Variants in SPRED2 observed in about 807,000 individuals in gnomAD.
The protein encoded by SPRED2 is sprouty related EVH1 domain containing 2, also known as sprouty-related, EVH1 domain-containing protein 2.
SPRED2 carries 47 observed loss-of-function variants against 43.0 expected under a neutral mutation model. The ratio of observed to expected loss-of-function variants is 1.09; its 90% confidence interval spans 0.87 to 1.40. SPRED2 has a LOEUF of 1.40. Among genes scored for constraint, SPRED2 ranks in the 40% most tolerant of loss-of-function variants. The probability of loss-of-function intolerance (pLI) is 0.00; values close to 1 mark genes in which losing one functional copy is unlikely to be tolerated. For synonymous variants in SPRED2, 225 were observed against 225.7 expected (o/e 1.00, Z 0.03); for missense variants, 561 against 586.4 (o/e 0.96, Z 0.45).
chr2:65,341,414 C>T (rs200890323), intron 2 of SPRED2, among the ~76,000 whole-genome samples: 1 of 152,090 alleles, frequency 6.6e-6, no homozygotes, highest in East Asian at 1.9e-4. Context: ...TCTGTGTACA[C>T]TAGCAACAAA....
intron 1 of SPRED2, among the ~76,000 whole-genome samples, chr2:65,405,090 T>C (rs928969551): frequency 1.4e-4 from 21 of 152,256 alleles, no homozygotes; most frequent in Admixed American, 1.4e-3. Flanking sequence ...CGTGTGCTTT[T>C]CTTATGTGCC....
chr2:65,357,153 C>T (rs1674676151), intron 1 of SPRED2, among the ~76,000 whole-genome samples: 1 of 152,198 alleles, frequency 6.6e-6, no homozygotes, highest in Non-Finnish European at 1.5e-5. Flanking sequence ...AATGGATGCC[C>T]TCTCAGATGG....
At chr2:65,318,836 G>A (rs925397222) in intron 4 of SPRED2, among the ~76,000 whole-genome samples, 11 of 151,886 alleles carry the variant, frequency 7.2e-5, no homozygotes, top group African/African-American at 2.7e-4. Context: ...TTGTAGAGAC[G>A]GGGGTCTTGC....
At chr2:65,414,091 G>A (rs1269055331) in intron 1 of SPRED2, among the ~76,000 whole-genome samples, 3 of 152,156 alleles carry the variant, frequency 2.0e-5, no homozygotes, top group Non-Finnish European at 2.9e-5. Context: ...ACTACTTAAA[G>A]AGAGAAACAT....
intron 1 of SPRED2, among the ~76,000 whole-genome samples, chr2:65,411,562 G>A (rs949579030): frequency 2.0e-5 from 3 of 152,188 alleles, no homozygotes. Context: ...AAAAGTGAGG[G>A]ATGGAATGTT....
At chr2:65,364,515 G>A (rs1674917673) in intron 1 of SPRED2, among the ~76,000 whole-genome samples, 1 of 152,184 alleles carries the variant, frequency 6.6e-6, no homozygotes, top group African/African-American at 2.4e-5. Flanking sequence ...AACAGCAAAG[G>A]GGCCTCTGAG....
chr2:65,396,179 G>A (rs1022901878), intron 1 of SPRED2, among the ~76,000 whole-genome samples: 7 of 152,136 alleles, frequency 4.6e-5, no homozygotes, highest in Admixed American at 6.5e-5. Flanking sequence ...GCAGTTAAAG[G>A]TTGATTACTC....
rs760474492 is a variant in SPRED2 at position 65,344,769 on chromosome 2, T to C, written c.154A>G (p.Asn52Asp). ...GVCKVMHPEG[N>D]GRSGFLIHGE... is the part of the protein sequence containing the mutation. ...TGGATGAGAAAGCCGCTTCGTCCAT[T>C]GCCTTCGGGGTGCATGACCTTACAG... Residue 52 changes from asparagine to aspartate, a missense_variant, in exon 2 of 6, where the codon AAT (asparagine) becomes GAT (aspartate). Physicochemically the swap from Asn to Asp is conservative, Grantham distance 23. Coordinates refer to ENST00000356388, the MANE Select transcript of SPRED2 (RefSeq NM_181784.3). 2.5e-6 allele frequency: 4 copies of C among 1,614,206 alleles called. No homozygotes were observed. Among genetic ancestry groups the C allele is most frequent in the Non-Finnish European group, 2.5e-6 (3 of 1,180,026 alleles).
Position 65,311,569 on chromosome 2 carries a change from C to T in SPRED2, c.*1932G>A, listed in dbSNP as rs547777598. On this transcript the variant is annotated 3_prime_UTR_variant, in exon 6 of 6. Transcript: ENST00000356388. ...AGACCCCAAGGAAGTGCCTCCGGGT[C>T]GGGGGAAGGTGGTCTCTCGACAGCA... 6.1e-6 allele frequency: 6 copies of T among 985,682 alleles called. No individual in the cohort carries two copies. Among genetic ancestry groups the T allele is most frequent in the Admixed American group, 6.1e-5 (1 of 16,262 alleles). 61.1% of individuals were successfully genotyped at this position (985,682 alleles called of 1,614,324 possible).
At chr2:65,388,679 G>A (rs1326116468) in intron 1 of SPRED2, among the ~76,000 whole-genome samples, 2 of 152,058 alleles carry the variant, frequency 1.3e-5, no homozygotes, top group South Asian at 2.1e-4. Context: ...AGCAGGAGGG[G>A]GGTGGTGAAA....
At chr2:65,419,409 CCA>C (rs1418605924) in intron 1 of SPRED2, among the ~76,000 whole-genome samples, 2 of 152,176 alleles carry the variant, frequency 1.3e-5, no homozygotes, top group African/African-American at 2.4e-5. Flanking sequence ...TAAATCCACT[CCA>C]GAGTACCAAG....
chr2:65,431,412 C>T (rs909282975), intron 1 of SPRED2, among the ~76,000 whole-genome samples: 1 of 151,828 alleles, frequency 6.6e-6, no homozygotes. Flanking sequence ...CGCACCAGAC[C>T]CCCGCGCAGC....
In SPRED2 at chr2:65,313,842, G is replaced by A; in HGVS notation, c.916C>T (p.Arg306Cys). The stretch of plus-strand genomic sequence containing the variant: ...TCCCTGCAGTACACGCACCGCGAGC[G>A]CTCTCCGTCCTCCTTCCGCCGCCGC... ...KSRRRKEDGE[R>C]SRCVYCRDMF... Residue 306 changes from arginine to cysteine, a missense_variant, in exon 6 of 6, where the codon CGC (arginine) becomes TGC (cysteine). This residue lies in a region of SPRED2 where 164 missense variants were observed against 164.1 expected (regional missense o/e 1.00). Coordinates refer to ENST00000356388, the MANE Select transcript of SPRED2 (RefSeq NM_181784.3). 6.2e-7 allele frequency: 1 copy of A among 1,611,964 alleles called. No individual in the cohort carries two copies. Among genetic ancestry groups the A allele is most frequent in the Non-Finnish European group, 8.5e-7 (1 of 1,179,972 alleles).
At chr2:65,357,475 G>C (rs1177997604) in intron 1 of SPRED2, among the ~76,000 whole-genome samples, 1 of 152,214 alleles carries the variant, frequency 6.6e-6, no homozygotes, top group African/African-American at 2.4e-5. Flanking sequence ...ACTTGTTCAA[G>C]GTCACTGACA....
rs146644631 is a variant in SPRED2, at chr2:65,339,761, A to G, written c.204+4958T>C. ...AAAAAAAAAAAAGAAAGTGAAAGAT[A>G]AACCAGTGGGTGGTAATGTAACAGA... On this transcript the variant is annotated intron_variant, in intron 2 of 5. Transcript: ENST00000356388. Among the ~76,000 whole-genome samples, 1,105 of 152,206 alleles carry G rather than the reference A, an allele frequency of 7.3e-3. 6 individuals are homozygous for G. Among genetic ancestry groups the G allele is most frequent in the Middle Eastern group, 0.017 (5 of 294 alleles).
intron 1 of SPRED2, among the ~76,000 whole-genome samples, chr2:65,368,871 T>A (rs1468424284): frequency 1.3e-5 from 2 of 152,166 alleles, no homozygotes. Flanking sequence ...TGCTTGAGGC[T>A]GGAGACCAGC....
chr2:65,317,601 C>T (rs911884012), intron 4 of SPRED2, among the ~76,000 whole-genome samples: 10 of 152,088 alleles, frequency 6.6e-5, no homozygotes, highest in Admixed American at 2.6e-4. Context: ...CCATCTGTGG[C>T]CCTGGTTGTG....
In SPRED2 at chr2:65,312,824, T is replaced by C; in HGVS notation, c.*677A>G. On this transcript the variant is annotated 3_prime_UTR_variant, in exon 6 of 6. Coordinates refer to ENST00000356388, the MANE Select transcript of SPRED2 (RefSeq NM_181784.3). The stretch of plus-strand genomic sequence containing the variant: ...GTGAATGTTTTGCATCAGTGAATCA[T>C]TTCAACAGATTTTGGGGGGGCAGAA... 1 of 985,834 alleles carries C rather than the reference T, an allele frequency of 1.0e-6. No homozygotes were observed. The highest frequency in any genetic ancestry group is 1.2e-6 in the Non-Finnish European group (1 of 829,934). The allele number at this position is 985,834 out of a possible 1,614,324, so 61.1% of individuals were successfully genotyped here.
chr2:65,344,404 A>G (rs1158007340), intron 2 of SPRED2: 1 of 427,360 alleles, frequency 2.3e-6, no homozygotes, highest in Non-Finnish European at 4.5e-6. Context: ...GTGATTCATA[A>G]TAATAAAAGA....
Sources: gnomAD v4.1 joint callset for allele counts (sites outside exome capture counted in the v4.1 genomes callset) on GRCh38, gnomAD v4.1.1 for gene constraint, gnomAD v4.1.1 regional missense constraint, MANE v1.5 for transcripts, NCBI Gene and HGNC (gene_info 2026-07-23, HGNC 2026-07-21) for gene names.